The following PEBP4 variants were observed in gnomAD, a reference collection of about 807,000 sequenced individuals.
The protein encoded by PEBP4 is phosphatidylethanolamine binding protein 4.
In PEBP4, 22 loss-of-function variants were observed where a neutral mutation model predicts 23.9. The observed-to-expected ratio is 0.92, with a 90% CI of 0.66 to 1.31. The LOEUF is 1.31. PEBP4 is among the 40% of genes most tolerant of loss of function. The probability of loss-of-function intolerance (pLI) is 0.00; values close to 1 mark genes in which losing one functional copy is unlikely to be tolerated. For synonymous variants in PEBP4, 112 were observed against 99.3 expected (o/e 1.13, Z -0.76); for missense variants, 324 against 281.7 (o/e 1.15, Z -1.07).
At chr8:22,834,611 G>T (rs1807161861) in intron 3 of PEBP4, among the ~76,000 whole-genome samples, 3 of 152,206 alleles carry the variant, frequency 2.0e-5, no homozygotes, top group Admixed American at 2.0e-4. Flanking sequence ...GGATTTCCCA[G>T]GCTCTACTGC....
chr8:22,903,629 C>T (rs1396496461), intron 3 of PEBP4, among the ~76,000 whole-genome samples: 1 of 152,204 alleles, frequency 6.6e-6, no homozygotes, highest in Non-Finnish European at 1.5e-5. Context: ...TGCAAAGCCC[C>T]CAGCCCGGGC....
At position 22,775,480 on chromosome 8, in the gene PEBP4, G is replaced by C. The variant is rs1365903321; in HGVS notation, c.357+42157C>G. ...CCCGTGGGTGGTGTTCACGTATGGAGGGGGGGGATTTCTTTTTAAGAGACA... is the reference window on the plus strand; with the variant it reads ...CCCGTGGGTGGTGTTCACGTATGGACGGGGGGGATTTCTTTTTAAGAGACA... On this transcript the variant is annotated intron_variant, in intron 4 of 6. Transcript: ENST00000256404. This position sits in a 1 kb window ranked among gnomAD's most constrained non-coding sequence, Gnocchi z 4.8. 6.6e-6 allele frequency among the ~76,000 whole-genome samples: 1 copy of C among 151,930 alleles called. No individual in the cohort carries two copies. Among genetic ancestry groups the C allele is most frequent in the East Asian group, 1.9e-4 (1 of 5,174 alleles).
intron 4 of PEBP4, among the ~76,000 whole-genome samples, chr8:22,781,544 C>T (rs1322729579): frequency 6.6e-6 from 1 of 152,164 alleles, no homozygotes; most frequent in South Asian, 2.1e-4. Context: ...TCTCCCGTTC[C>T]CTAGGCAACC....
At chr8:22,911,691 A>C (rs1358627595) in intron 3 of PEBP4, among the ~76,000 whole-genome samples, 1 of 152,180 alleles carries the variant, frequency 6.6e-6, no homozygotes, top group African/African-American at 2.4e-5. Flanking sequence ...AAATCCAAGA[A>C]GCCTTTGCTG....
intron 3 of PEBP4, among the ~76,000 whole-genome samples, chr8:22,838,560 C>T (rs1807255487): frequency 6.6e-6 from 1 of 152,250 alleles, no homozygotes; most frequent in South Asian, 2.1e-4. Context: ...ACGCTCCCTC[C>T]CAACAGCATC....
intron 4 of PEBP4, chr8:22,745,575 A>T (rs1409504321): frequency 6.6e-6 from 1 of 152,286 alleles, no homozygotes; most frequent in African/African-American, 2.4e-5. Context: ...TCCAGTTCAC[A>T]CTTCTTTCCT....
intron 4 of PEBP4, among the ~76,000 whole-genome samples, chr8:22,754,410 T>G (rs1239049241): frequency 2.0e-5 from 3 of 152,198 alleles, no homozygotes; most frequent in Admixed American, 6.5e-5. Context: ...CAACACAAAT[T>G]TTTCTATTTA....
chr8:22,726,090 G>C (rs959382368), intron 5 of PEBP4, among the ~76,000 whole-genome samples: 1 of 152,052 alleles, frequency 6.6e-6, no homozygotes, highest in African/African-American at 2.4e-5. Context: ...CCATGTGTGT[G>C]GTTGGAGGTC....
intron 3 of PEBP4, among the ~76,000 whole-genome samples, chr8:22,877,036 A>G (rs1808135095): frequency 6.6e-6 from 1 of 152,172 alleles, no homozygotes; most frequent in Non-Finnish European, 1.5e-5. Context: ...CATATATATT[A>G]GCTATTTGAA....
At chr8:22,753,251 T>TA (rs1478471083) in intron 4 of PEBP4, among the ~76,000 whole-genome samples, 1 of 152,136 alleles carries the variant, frequency 6.6e-6, no homozygotes. Flanking sequence ...CCTATATTCT[T>TA]AGAGAATAGA....
intron 4 of PEBP4, among the ~76,000 whole-genome samples, chr8:22,793,199 T>TA (rs753046208): frequency 6.6e-6 from 1 of 152,212 alleles, no homozygotes; most frequent in Non-Finnish European, 1.5e-5. Context: ...TCTTTTCATG[T>TA]AAAAAATGGC....
At chr8:22,737,415 G>A (rs1447732312) in intron 4 of PEBP4, among the ~76,000 whole-genome samples, 1 of 152,188 alleles carries the variant, frequency 6.6e-6, no homozygotes, top group Non-Finnish European at 1.5e-5. Flanking sequence ...CAAAGAAGGG[G>A]GACCCACCTC....
At chr8:22,796,928 A>G (rs1806272236) in intron 4 of PEBP4, among the ~76,000 whole-genome samples, 1 of 150,870 alleles carries the variant, frequency 6.6e-6, no homozygotes, top group South Asian at 2.1e-4. Context: ...CTGCACTTGT[A>G]CCCCTAAATC....
chr8:22,877,759 C>A (rs775537418), intron 3 of PEBP4, among the ~76,000 whole-genome samples: 1 of 152,150 alleles, frequency 6.6e-6, no homozygotes, highest in African/African-American at 2.4e-5. Flanking sequence ...TTCTCGCTGT[C>A]GCTCGGCAGA....
intron 3 of PEBP4, chr8:22,886,504 C>T (rs1410854906): frequency 6.6e-6 from 1 of 152,288 alleles, no homozygotes; most frequent in Non-Finnish European, 1.5e-5. Context: ...AATCATGTAG[C>T]AAGCATTCAG....
intron 3 of PEBP4, among the ~76,000 whole-genome samples, chr8:22,819,068 G>C (rs1287577823): frequency 6.6e-6 from 1 of 152,208 alleles, no homozygotes; most frequent in East Asian, 1.9e-4. Flanking sequence ...GTAATTCAGA[G>C]GAGAGATCAG....
intron 4 of PEBP4, among the ~76,000 whole-genome samples, chr8:22,811,029 C>T (rs1781522158): frequency 6.6e-6 from 1 of 152,164 alleles, no homozygotes; most frequent in Non-Finnish European, 1.5e-5. Flanking sequence ...CCTGTATATA[C>T]TGGCTCCCTT....
At chr8:22,836,399 G>T (rs1585299462) in intron 3 of PEBP4, among the ~76,000 whole-genome samples, 3 of 152,316 alleles carry the variant, frequency 2.0e-5, no homozygotes, top group African/African-American at 7.2e-5. Context: ...GTATTTGTTT[G>T]TGTGTTGCAA....
intron 2 of PEBP4, among the ~76,000 whole-genome samples, chr8:22,927,069 C>T (rs866417400): frequency 1.4e-4 from 22 of 152,330 alleles, no homozygotes; most frequent in African/African-American, 5.3e-4. Context: ...AGGGAAGAAG[C>T]CAGCCTCGTC....
Sources: allele counts gnomAD v4.1 joint callset (sites outside exome capture counted in the v4.1 genomes callset), GRCh38; gene constraint gnomAD v4.1.1; non-coding constraint Gnocchi (gnomAD v3.1); transcripts MANE v1.5; gene names NCBI Gene and HGNC (gene_info 2026-07-23, HGNC 2026-07-21).